DENND1A: variants seen among roughly 807,000 people sequenced by gnomAD.
DENND1A encodes the protein DENN domain-containing protein 1A.
In DENND1A, 51 loss-of-function variants were observed where a neutral mutation model predicts 113.7. That is an observed-to-expected ratio of 0.45 (90% CI 0.36 to 0.57). DENND1A has a LOEUF of 0.57. Ranked by LOEUF, DENND1A falls within the 20% of genes least tolerant of loss-of-function variation. The probability of loss-of-function intolerance (pLI) is 0.00; values close to 1 mark genes in which losing one functional copy is unlikely to be tolerated. For missense variants in DENND1A, 1,258 were observed against 1,395.9 expected (o/e 0.90, Z 1.57); for synonymous variants, 565 against 570.8 (o/e 0.99, Z 0.14).
At chr9:123,718,282 AG>A (rs2067113489) in intron 5 of DENND1A, among the ~76,000 whole-genome samples, 1 of 152,210 alleles carries the variant, frequency 6.6e-6, no homozygotes, top group African/African-American at 2.4e-5. Context: ...CCAGGGCCAA[AG>A]GGTTAATACA....
chr9:123,551,038 G>A (rs934864145), intron 13 of DENND1A, among the ~76,000 whole-genome samples: 2 of 152,248 alleles, frequency 1.3e-5, no homozygotes, highest in Admixed American at 6.5e-5. Context: ...CTGGGCTGCC[G>A]CTTGACATGG....
In DENND1A at chr9:123,403,179, G is replaced by A. The variant is rs534639541; in HGVS notation, c.1631+223C>T. ...TTTGGACCCCACCCCTCGAAATCCA[G>A]CCCAAGTGCCCGGCTCCCTGGCCTC... On this transcript the variant is annotated intron_variant, in intron 21 of 23. Coordinates refer to ENST00000394215, the MANE Select transcript of DENND1A (RefSeq NM_001352964.2). Among the ~76,000 whole-genome samples, 12 of 152,302 alleles carry A rather than the reference G, an allele frequency of 7.9e-5. No individual in the cohort carries two copies. In the South Asian group the frequency reaches 2.5e-3, roughly 32 times the overall value.
intron 16 of DENND1A, 109 bp downstream of exon 16, chr9:123,454,630 G>C (rs1217249119): frequency 8.9e-7 from 1 of 1,120,366 alleles, no homozygotes. Context: ...GGCATCTCCA[G>C]CAGAGAGAAT....
chr9:123,840,624 A>G (rs1841689451), intron 2 of DENND1A, among the ~76,000 whole-genome samples: 1 of 152,200 alleles, frequency 6.6e-6, no homozygotes. Flanking sequence ...CTCTGTCCCC[A>G]AGGGCCTAGC....
intron 11 of DENND1A, among the ~76,000 whole-genome samples, chr9:123,601,101 C>T (rs760151375): frequency 5.3e-5 from 8 of 152,092 alleles, no homozygotes; most frequent in South Asian, 2.1e-4. Flanking sequence ...TAGGAAAATA[C>T]GAAAACAAAA....
intron 3 of DENND1A, among the ~76,000 whole-genome samples, chr9:123,792,250 G>C (rs1000325087): frequency 6.6e-6 from 1 of 152,006 alleles, no homozygotes; most frequent in Non-Finnish European, 1.5e-5. Flanking sequence ...CTTGACTCCT[G>C]AAATAGCATT....
intron 3 of DENND1A, among the ~76,000 whole-genome samples, chr9:123,773,487 A>G (rs1186362976): frequency 6.6e-6 from 1 of 152,184 alleles, no homozygotes; most frequent in Admixed American, 6.5e-5. Context: ...TTTTAAATGT[A>G]TAATATTATC....
chr9:123,464,378 T>TAC (rs2048767928), intron 13 of DENND1A, among the ~76,000 whole-genome samples: 1 of 152,208 alleles, frequency 6.6e-6, no homozygotes. Flanking sequence ...GTGTGGCATA[T>TAC]ACACACAAGG....
chr9:123,701,672 G>A (rs926645248), intron 5 of DENND1A, among the ~76,000 whole-genome samples: 8 of 152,158 alleles, frequency 5.3e-5, no homozygotes, highest in African/African-American at 1.9e-4. Flanking sequence ...CAACAGGCAG[G>A]CTCTCAGCAG....
chr9:123,551,351 C>T (rs959850908), intron 13 of DENND1A, among the ~76,000 whole-genome samples: 1 of 152,244 alleles, frequency 6.6e-6, no homozygotes, highest in Non-Finnish European at 1.5e-5. Context: ...CACCCATTCT[C>T]CCGTCTATTA....
At position 123,864,031 on chromosome 9, in the gene DENND1A, A is replaced by C. The variant is rs1590434394; in HGVS notation, c.88+14920T>G. 2.0e-5 allele frequency among the ~76,000 whole-genome samples: 3 copies of C among 152,070 alleles called. No individual in the cohort carries two copies. In the East Asian group the frequency reaches 5.8e-4, roughly 29 times the overall value. ...CAGAAAATCATTATCGAGAGTTTCAAAGACTCTATAGTCCTCTACACTATG... is the reference window on the plus strand; with the variant it reads ...CAGAAAATCATTATCGAGAGTTTCACAGACTCTATAGTCCTCTACACTATG... On this transcript the variant is annotated intron_variant, in intron 2 of 23. Transcript: ENST00000394215.
chr9:123,381,313 G>A lies in DENND1A; in HGVS notation c.*119C>T. ...AGGGGAGGAGGGGGCAGCAGAGAGGGGTCCCATCCCTTCCCACCAGCAGAA... is the reference window on the plus strand; with the variant it reads ...AGGGGAGGAGGGGGCAGCAGAGAGGAGTCCCATCCCTTCCCACCAGCAGAA... On this transcript the variant is annotated 3_prime_UTR_variant, in exon 24 of 24. Transcript: ENST00000394215. This position sits in a 1 kb window ranked among gnomAD's most constrained non-coding sequence, Gnocchi z 4.7. 1.0e-6 allele frequency: 1 copy of A among 958,698 alleles called. No individual in the cohort carries two copies. The highest frequency in any genetic ancestry group is 1.6e-6 in the Non-Finnish European group (1 of 640,566). 59.4% of individuals were successfully genotyped at this position (958,698 alleles called of 1,614,324 possible).
chr9:123,570,023 C>T (rs1001155476), intron 12 of DENND1A, among the ~76,000 whole-genome samples: 6 of 152,164 alleles, frequency 3.9e-5, no homozygotes, highest in African/African-American at 4.8e-5. Flanking sequence ...CTCCCAACCA[C>T]ACACCCTATG....
At chr9:123,881,186 T>C (rs367628152) in intron 1 of DENND1A, among the ~76,000 whole-genome samples, 1 of 152,172 alleles carries the variant, frequency 6.6e-6, no homozygotes, top group South Asian at 2.1e-4. Context: ...TTAAAAAAAT[T>C]AAGTAAACTG....
intron 13 of DENND1A, among the ~76,000 whole-genome samples, chr9:123,483,890 C>A (rs1270051944): frequency 6.6e-6 from 1 of 152,156 alleles, no homozygotes; most frequent in Non-Finnish European, 1.5e-5. Flanking sequence ...GGTTGTTGTT[C>A]TTTGTTTGAG....
intron 13 of DENND1A, among the ~76,000 whole-genome samples, chr9:123,539,231 A>G (rs566944660): frequency 3.4e-4 from 51 of 152,222 alleles, no homozygotes; most frequent in African/African-American, 1.2e-3. Flanking sequence ...CAATCTCTGG[A>G]TCAACTGTCA....
At chr9:123,885,788 T>C (rs1848982579) in intron 1 of DENND1A, among the ~76,000 whole-genome samples, 1 of 152,168 alleles carries the variant, frequency 6.6e-6, no homozygotes, top group Non-Finnish European at 1.5e-5. Flanking sequence ...CATGTTCTTT[T>C]TTTTTCTTTT....
intron 13 of DENND1A, among the ~76,000 whole-genome samples, chr9:123,556,233 T>C (rs1410639837): frequency 6.6e-6 from 1 of 152,158 alleles, no homozygotes; most frequent in Non-Finnish European, 1.5e-5. Flanking sequence ...TGCCCAAAGC[T>C]CAGGCAGCCT....
At chr9:123,637,943 A>G (rs1313270919) in intron 9 of DENND1A, among the ~76,000 whole-genome samples, 2 of 35,684 alleles carry the variant, frequency 5.6e-5, no homozygotes, top group African/African-American at 9.5e-5. Flanking sequence ...GCACACACAC[A>G]CACACACGCG....
Sources: allele counts gnomAD v4.1 joint callset (sites outside exome capture counted in the v4.1 genomes callset), GRCh38; gene constraint gnomAD v4.1.1; non-coding constraint Gnocchi (gnomAD v3.1); transcripts MANE v1.5; gene names NCBI Gene and HGNC (gene_info 2026-07-23, HGNC 2026-07-21).